NECTIN2: variants seen among roughly 807,000 people sequenced by gnomAD.
The protein encoded by NECTIN2 is nectin cell adhesion molecule 2.
A neutral mutation model predicts 56.9 loss-of-function variants in NECTIN2; 23 were observed. The ratio of observed to expected loss-of-function variants is 0.40; its 90% CI spans 0.29 to 0.57. The LOEUF (loss-of-function observed/expected upper bound fraction) is 0.57. NECTIN2 is among the 20% of genes least tolerant of loss of function. NECTIN2 has a pLI of 0.38. For synonymous variants in NECTIN2, 302 were observed against 313.8 expected (o/e 0.96, Z 0.40); for missense variants, 587 against 718.3 (o/e 0.82, Z 2.09).
chr19:44,846,502 G>A lies in NECTIN2; in HGVS notation c.-24G>A. On this transcript the variant is annotated 5_prime_UTR_variant, in exon 1 of 9. Coordinates refer to ENST00000252483, the MANE Select transcript of NECTIN2 (RefSeq NM_001042724.2). ...GAGTGGCCCGCGGGCCTCCGGCCGG[G>A]CCCAGTCCCCTCCCGGGCCCTCCAT... 1 of 1,476,136 alleles carries A rather than the reference G, an allele frequency of 6.8e-7. No individual in the cohort carries two copies. Among genetic ancestry groups the A allele is most frequent in the Non-Finnish European group, 8.9e-7 (1 of 1,121,908 alleles). The allele number at this position is 1,476,136 out of a possible 1,614,324, so 91.4% of individuals were successfully genotyped here.
intron 1 of NECTIN2, among the ~76,000 whole-genome samples, chr19:44,856,253 C>T (rs140577189): frequency 7.9e-5 from 12 of 152,238 alleles, no homozygotes; most frequent in Non-Finnish European, 1.6e-4. Context: ...GCCAAGATGG[C>T]GCCACTACAC....
At chr19:44,868,477 T>TC (rs1969130688) in intron 2 of NECTIN2, among the ~76,000 whole-genome samples, 1 of 149,552 alleles carries the variant, frequency 6.7e-6, no homozygotes, top group Non-Finnish European at 1.5e-5. Flanking sequence ...TTTTTTTTTT[T>TC]TTTTCTTTTT....
intron 1 of NECTIN2, among the ~76,000 whole-genome samples, chr19:44,851,315 C>G (rs1327870563): frequency 6.7e-6 from 1 of 149,692 alleles, no homozygotes; most frequent in Non-Finnish European, 1.5e-5. Flanking sequence ...CAGCCTCAGT[C>G]CCCTGCTCCC....
chr19:44,864,790 T>A (rs534556934), intron 1 of NECTIN2, among the ~76,000 whole-genome samples: 2 of 151,938 alleles, frequency 1.3e-5, no homozygotes, highest in African/African-American at 4.8e-5. Flanking sequence ...ATCGCGCCAC[T>A]GCACTCCAGC....
At chr19:44,852,312 G>A (rs1968908972) in intron 1 of NECTIN2, among the ~76,000 whole-genome samples, 1 of 151,966 alleles carries the variant, frequency 6.6e-6, no homozygotes, top group South Asian at 2.1e-4. Context: ...ACCATGCCCA[G>A]CTAATTTTTG....
At chr19:44,860,266 C>T (rs897297996) in intron 1 of NECTIN2, among the ~76,000 whole-genome samples, 1 of 151,992 alleles carries the variant, frequency 6.6e-6, no homozygotes, top group Non-Finnish European at 1.5e-5. Flanking sequence ...GGCTCATGCC[C>T]GTAATCCGAA....
At chr19:44,883,514 A>T (rs1969330153) in intron 6 of NECTIN2, among the ~76,000 whole-genome samples, 1 of 152,124 alleles carries the variant, frequency 6.6e-6, no homozygotes, top group Non-Finnish European at 1.5e-5. Flanking sequence ...ACCTCAAGTG[A>T]TCCACCCGCC....
chr19:44,870,018 A>C (rs569659027), intron 2 of NECTIN2, among the ~76,000 whole-genome samples: 4 of 152,266 alleles, frequency 2.6e-5, no homozygotes, highest in East Asian at 3.9e-4. Flanking sequence ...TGCAGAAGTA[A>C]GGAACAAAAC....
chr19:44,868,698 G>A (rs1028172131), intron 2 of NECTIN2, among the ~76,000 whole-genome samples: 1 of 150,362 alleles, frequency 6.7e-6, no homozygotes, highest in Non-Finnish European at 1.5e-5. Flanking sequence ...CGGATCACGA[G>A]GTCAGGAAAT....
intron 5 of NECTIN2, chr19:44,878,112 T>G (rs1344724620): frequency 2.0e-6 from 1 of 495,764 alleles, no homozygotes; most frequent in African/African-American, 2.1e-5. Flanking sequence ...TCCCGCTCCC[T>G]CCATCCCCGC....
chr19:44,865,215 A>C lies in NECTIN2; in HGVS notation c.89-56A>C, dbSNP rs1268925783. ...CCCCCTTCGTGGTGGCCCTGCCTGG[A>C]GGTGTCTGGGTCCCTCCCCCACCCG... On this transcript the variant is annotated intron_variant, in intron 1 of 8. Transcript: ENST00000252483. This position sits in a 1 kb window ranked among gnomAD's most constrained non-coding sequence, Gnocchi z 5.2. The C allele has an allele frequency of 6.6e-7, 1 of 1,511,670 alleles. No individual in the cohort carries two copies. Among genetic ancestry groups the C allele is most frequent in the Admixed American group, 2.0e-5 (1 of 51,200 alleles). 93.6% of individuals were successfully genotyped at this position (1,511,670 alleles called of 1,614,324 possible).
Position 44,865,647 on chromosome 19 carries a change from G to T in NECTIN2, c.465G>T (p.Trp155Cys). 1 of 1,530,188 alleles carries T rather than the reference G, an allele frequency of 6.5e-7. No individual in the cohort carries two copies. Among genetic ancestry groups the T allele is most frequent in the Non-Finnish European group, 8.8e-7 (1 of 1,142,128 alleles). The allele number at this position is 1,530,188 out of a possible 1,614,324, so 94.8% of individuals were successfully genotyped here. A position where few individuals can be genotyped will look rare whatever the true frequency, so the allele number is the denominator to read the frequency against. ...FPKGSVRGMTWLRVIAKPKNQ... is the reference protein window; with the variant it reads ...FPKGSVRGMTCLRVIAKPKNQ... ...AGGGGTCCGTCCGAGGGATGACCTG[G>T]CTCAGAGTCATAGGTGAGCAGGGTA... Residue 155 changes from tryptophan (W) to cysteine (C), a missense_variant, in exon 2 of 9, where the codon TGG becomes TGT. Transcript: ENST00000252483. This position sits in a 1 kb window ranked among gnomAD's most constrained non-coding sequence, Gnocchi z 5.2.
intron 3 of NECTIN2, 62 bp from the exon 4 acceptor site, chr19:44,873,854 T>C: frequency 7.7e-7 from 1 of 1,305,302 alleles, no homozygotes; most frequent in South Asian, 1.2e-5. Flanking sequence ...GTCTATCTGC[T>C]AACTTGTCCA....
intron 1 of NECTIN2, among the ~76,000 whole-genome samples, chr19:44,857,100 C>T (rs1234049313): frequency 6.6e-6 from 1 of 152,116 alleles, no homozygotes; most frequent in East Asian, 1.9e-4. Flanking sequence ...AGGGTGTCAG[C>T]GTTAAATAAC....
intron 8 of NECTIN2, among the ~76,000 whole-genome samples, chr19:44,886,727 A>AG (rs1969365697): frequency 6.6e-6 from 1 of 151,572 alleles, no homozygotes; most frequent in Non-Finnish European, 1.5e-5. Context: ...GTCTCAAAAA[A>AG]ATAAATAAAA....
chr19:44,861,558 A>G (rs395710), intron 1 of NECTIN2, among the ~76,000 whole-genome samples: 50,666 of 152,100 alleles, frequency 0.33, 9,264 homozygotes, highest in Non-Finnish European at 0.39. Context: ...CTATCCTCAG[A>G]GTGAACAGAC....
intron 2 of NECTIN2, among the ~76,000 whole-genome samples, chr19:44,869,704 C>T (rs962588331): frequency 6.6e-6 from 1 of 151,442 alleles, no homozygotes; most frequent in Non-Finnish European, 1.5e-5. Context: ...TGAATATACA[C>T]TTCAAGCAGG....
intron 2 of NECTIN2, among the ~76,000 whole-genome samples, chr19:44,867,816 T>C (rs1379084441): frequency 1.3e-5 from 2 of 151,810 alleles, no homozygotes; most frequent in Non-Finnish European, 2.9e-5. Context: ...TTAAGAGCCA[T>C]GGGAGGTGTC....
Position 44,874,463 on chromosome 19 carries a change from G to A in NECTIN2, c.1027G>A (p.Val343Ile), listed in dbSNP as rs1367207417. 1.2e-6 allele frequency: 2 copies of A among 1,613,762 alleles called. No individual in the cohort carries two copies. The highest frequency in any genetic ancestry group is 8.5e-7 in the Non-Finnish European group (1 of 1,180,020). ...CGTGGGCATGGGCCGCGCTGAGCAG[G>A]TCATCTTTGTCCGAGGTGAGTGGGT... ...NAVGMGRAEQ[V>I]IFVRETPNTA... The change falls in exon 5 of 9, where the codon GTC becomes ATC. Residue 343 changes from valine (V) to isoleucine (I), a missense_variant. Coordinates refer to ENST00000252483, the MANE Select transcript of NECTIN2 (RefSeq NM_001042724.2). This position sits in a 1 kb window ranked among gnomAD's most constrained non-coding sequence, Gnocchi z 6.3.
Sources: gnomAD v4.1 joint callset for allele counts (sites outside exome capture counted in the v4.1 genomes callset) on GRCh38, gnomAD v4.1.1 for gene constraint, Gnocchi (gnomAD v3.1) non-coding constraint, MANE v1.5 for transcripts, NCBI Gene and HGNC (gene_info 2026-07-23, HGNC 2026-07-21) for gene names.